Variants in VILL observed in about 807,000 individuals in gnomAD.
VILL encodes villin-like protein.
In VILL, 102 loss-of-function variants were observed where a neutral mutation model predicts 106.3. The ratio of observed to expected loss-of-function variants is 0.96; its 90% CI spans 0.82 to 1.13. The LOEUF (loss-of-function observed/expected upper bound fraction) is 1.13. Ranked by LOEUF, VILL falls within the 50% of genes most tolerant of loss-of-function variation. VILL has a pLI of 0.00. For synonymous variants in VILL, 431 were observed against 440.3 expected (o/e 0.98, Z 0.27); for missense variants, 1,076 against 1,116.6 (o/e 0.96, Z 0.52).
At chr3:38,001,359 C>T in intron 11 of VILL, 97 bp from the exon 12 acceptor site, 11 of 1,552,264 alleles carry the variant, frequency 7.1e-6, no homozygotes, top group Non-Finnish European at 9.6e-6. Flanking sequence ...ATGAGGAAGG[C>T]CTCAGAGGCT....
Position 38,007,149 on chromosome 3 carries a change from T to C in VILL, c.*94T>C, listed in dbSNP as rs569869838. The C allele has an allele frequency of 1.9e-6, 2 of 1,055,106 alleles. No individual in the cohort carries two copies. Among genetic ancestry groups the C allele is most frequent in the African/African-American group, 1.6e-5 (1 of 63,148 alleles). The allele number at this position is 1,055,106 out of a possible 1,614,324, so 65.4% of individuals were successfully genotyped here. On this transcript the variant is annotated 3_prime_UTR_variant, in exon 20 of 20. Transcript: ENST00000383759. The stretch of plus-strand genomic sequence containing the variant: ...TTCCACTCCCCTCAGAGGCTTTTGG[T>C]CATCCTCTGCGTGTCAGTAAAAGCA...
chr3:38,007,144 T>C lies in VILL; in HGVS notation c.*89T>C. 1 of 1,115,492 alleles carries C rather than the reference T, an allele frequency of 9.0e-7. No homozygotes were observed. Among genetic ancestry groups the C allele is most frequent in the Admixed American group, 1.9e-5 (1 of 51,432 alleles). The allele number at this position is 1,115,492 out of a possible 1,614,324, so 69.1% of individuals were successfully genotyped here. On this transcript the variant is annotated 3_prime_UTR_variant, in exon 20 of 20. Coordinates refer to ENST00000383759, the MANE Select transcript of VILL (RefSeq NM_015873.4). ...CCTGCTTCCACTCCCCTCAGAGGCT[T>C]TTGGTCATCCTCTGCGTGTCAGTAA...
Position 37,998,373 on chromosome 3 carries a change from T to G in VILL, c.942+9T>G. On this transcript the variant is annotated intron_variant, in intron 9 of 19. Coordinates refer to ENST00000383759, the MANE Select transcript of VILL (RefSeq NM_015873.4). This position sits in a 1 kb window ranked among gnomAD's most constrained non-coding sequence, Gnocchi z 4.1. ...CCTTCAGCCGGGCTGTGGTGAGCCC[T>G]GGGGCTCTGTCTGAGAGGAACAGAG... is the stretch of plus-strand genomic sequence containing the variant. 1.2e-6 allele frequency: 2 copies of G among 1,613,156 alleles called. No individual in the cohort carries two copies. The highest frequency in any genetic ancestry group is 1.7e-6 in the Non-Finnish European group (2 of 1,179,184).
chr3:38,001,532 A>G lies in VILL; in HGVS notation c.1259A>G (p.Tyr420Cys), dbSNP rs780278305. The change falls in exon 12 of 20, where the codon TAC becomes TGC. Residue 420 changes from tyrosine to cysteine, a missense_variant. Tyr to Cys is a radical substitution (Grantham distance 194, BLOSUM62 -2). Coordinates refer to ENST00000383759, the MANE Select transcript of VILL (RefSeq NM_015873.4). ...RHGQLCAGNC[Y>C]LVLYTYQRLG... ...GGACAGCTGTGTGCAGGCAACTGCT[A>G]CCTTGTGCTCTACACATACCAGAGG... The G allele has an allele frequency of 6.2e-7, 1 of 1,614,090 alleles. No homozygotes were observed. The highest frequency in any genetic ancestry group is 2.2e-5 in the East Asian group (1 of 44,868).
rs542230998 is a variant in VILL at position 38,005,803 on chromosome 3, G to A, written c.1962G>A (p.Trp654Ter). 3 of 1,610,760 alleles carry A rather than the reference G, an allele frequency of 1.9e-6. No individual in the cohort carries two copies. Among genetic ancestry groups the A allele is most frequent in the African/African-American group, 1.3e-5 (1 of 75,026 alleles). The change falls in exon 17 of 20, where the codon TGG (tryptophan) becomes TGA (stop). Residue 654 changes from tryptophan (W) to a stop codon, truncating the protein, a stop_gained. Coordinates refer to ENST00000383759, the MANE Select transcript of VILL (RefSeq NM_015873.4). LOFTEE classifies it high-confidence loss of function. Reference sequence around the variant, plus strand: ...CCTCTGTGGCTCAGATCTTCCTGTGGCTTGGGGAAGCTGCAAGTGAGTGGA... The same window carrying A: ...CCTCTGTGGCTCAGATCTTCCTGTGACTTGGGGAAGCTGCAAGTGAGTGGA... The part of the protein sequence containing the change: ...LLDTWQEIFL[W>*]LGEAASEWKE...
chr3:37,989,025 C>T (rs555731983), upstream of VILL, among the ~76,000 whole-genome samples: 6 of 152,212 alleles, frequency 3.9e-5, no homozygotes, highest in South Asian at 2.1e-4. Flanking sequence ...ATGGTCGTAG[C>T]GGCCAGGCAG....
chr3:37,999,556 G>C (rs1699776536), intron 11 of VILL, 117 bp downstream of exon 11: 2 of 663,182 alleles, frequency 3.0e-6, no homozygotes, highest in South Asian at 5.9e-5. Flanking sequence ...ACACAATCAG[G>C]GACACAAAGG....
intron 13 of VILL, 56 bp from the exon 14 acceptor site, chr3:38,002,340 G>T: frequency 6.6e-7 from 1 of 1,524,612 alleles, no homozygotes. Flanking sequence ...CCCACACTGG[G>T]ACAGGAAGGC....
intron 11 of VILL, among the ~76,000 whole-genome samples, chr3:38,000,119 T>C (rs1249160869): frequency 6.6e-6 from 1 of 152,256 alleles, no homozygotes; most frequent in Non-Finnish European, 1.5e-5. Context: ...TGGTCCCATC[T>C]GGCCCCAAGG....
Position 37,995,643 on chromosome 3 carries a change from C to A in VILL, c.342-96C>A. ...AGTGCATGTATGAAGCAGGCACATA[C>A]GTGCACGTGCTCACATCTGCAGTCA... On this transcript the variant is annotated intron_variant, in intron 4 of 19. Transcript: ENST00000383759. 7.1e-6 allele frequency: 7 copies of A among 980,060 alleles called. No individual in the cohort carries two copies. In the South Asian group the frequency reaches 8.2e-5, roughly 11 times the overall value. The allele number at this position is 980,060 out of a possible 1,614,324, so 60.7% of individuals were successfully genotyped here. A position where few individuals can be genotyped will look rare whatever the true frequency, so the allele number is the denominator to read the frequency against.
intron 4 of VILL, among the ~76,000 whole-genome samples, 182 bp from the exon 5 acceptor site, chr3:37,995,557 C>T (rs1313032618): frequency 3.9e-5 from 6 of 152,254 alleles, no homozygotes; most frequent in Non-Finnish European, 7.3e-5. Context: ...GAAATGAATG[C>T]ACACTCATGC....
intron 1 of VILL, chr3:37,991,059 AG>A (rs1344541948): frequency 6.6e-6 from 1 of 152,344 alleles, no homozygotes; most frequent in East Asian, 1.9e-4. Flanking sequence ...GTAGATGGGC[AG>A]GGAAGTCCGT....
rs189973242 is a variant in VILL, at chr3:37,995,524, C to T, written c.342-215C>T. 4.9e-4 allele frequency among the ~76,000 whole-genome samples: 75 copies of T among 152,352 alleles called. 1 individual carries two copies. The highest frequency in any genetic ancestry group is 6.8e-3 in the Middle Eastern group (2 of 294). ...ATATATGCATGTGTCCACATGACTA[C>T]GCATGGAAGTGCACTACACATGGAA... is the stretch of plus-strand genomic sequence containing the variant. On this transcript the variant is annotated intron_variant, in intron 4 of 19. Coordinates refer to ENST00000383759, the MANE Select transcript of VILL (RefSeq NM_015873.4).
At chr3:38,000,310 G>A (rs937473075) in intron 11 of VILL, among the ~76,000 whole-genome samples, 2 of 152,150 alleles carry the variant, frequency 1.3e-5, no homozygotes, top group African/African-American at 2.4e-5. Context: ...TGGGGCAAGG[G>A]GGAAGAAGGG....
intron 18 of VILL, 77 bp downstream of exon 18, chr3:38,006,329 C>T (rs1480808411): frequency 1.2e-6 from 2 of 1,608,484 alleles, no homozygotes; most frequent in Non-Finnish European, 1.7e-6. Context: ...AGGGGAAGTG[C>T]CAGGCCCTTG....
chr3:38,005,740 G>T (rs371270015), intron 16 of VILL, 52 bp from the exon 17 acceptor site: 13 of 1,560,166 alleles, frequency 8.3e-6, no homozygotes, highest in Admixed American at 3.6e-5. Flanking sequence ...GAAGGGGTCA[G>T]CTCTGGGCAG....
chr3:37,994,258 T>G lies in VILL; in HGVS notation c.136-3T>G. On this transcript the variant is annotated splice_polypyrimidine_tract_variant and splice_region_variant and intron_variant, in intron 3 of 19. Coordinates refer to ENST00000383759, the MANE Select transcript of VILL (RefSeq NM_015873.4). Reference sequence around the variant, plus strand: ...CACATATACACAAACACCCGGACCCTAGGTCCCCCAGAGCCCGAAGGCCAC... The same window carrying G: ...CACATATACACAAACACCCGGACCCGAGGTCCCCCAGAGCCCGAAGGCCAC... 3.1e-6 allele frequency: 5 copies of G among 1,604,812 alleles called. No individual in the cohort carries two copies. Among genetic ancestry groups the G allele is most frequent in the Non-Finnish European group, 4.2e-6 (5 of 1,177,960 alleles).
intron 17 of VILL, 34 bp from the exon 18 acceptor site, chr3:38,006,147 C>T: frequency 6.2e-7 from 1 of 1,614,068 alleles, no homozygotes; most frequent in Non-Finnish European, 8.5e-7. Context: ...TTCTCCTGCC[C>T]TGGCCCTGAT....
Position 37,998,424 on chromosome 3 carries a change from G to A in VILL, c.942+60G>A. 1.3e-6 allele frequency: 2 copies of A among 1,510,954 alleles called. No individual in the cohort carries two copies. Among genetic ancestry groups the A allele is most frequent in the South Asian group, 2.3e-5 (2 of 88,212 alleles). The allele number at this position is 1,510,954 out of a possible 1,614,324, so 93.6% of individuals were successfully genotyped here. A position where few individuals can be genotyped will look rare whatever the true frequency, so the allele number is the denominator to read the frequency against. On this transcript the variant is annotated intron_variant, in intron 9 of 19. Coordinates refer to ENST00000383759, the MANE Select transcript of VILL (RefSeq NM_015873.4). This position sits in a 1 kb window ranked among gnomAD's most constrained non-coding sequence, Gnocchi z 4.1. Reference sequence around the variant, plus strand: ...CACTGCCCTGGGGTCTGAGTGGGGAGGCAGCTCCGCCCCAGGGTCTAAGGG... The same window carrying A: ...CACTGCCCTGGGGTCTGAGTGGGGAAGCAGCTCCGCCCCAGGGTCTAAGGG...
Sources: allele counts gnomAD v4.1 joint callset (sites outside exome capture counted in the v4.1 genomes callset), GRCh38; gene constraint gnomAD v4.1.1; non-coding constraint Gnocchi (gnomAD v3.1); transcripts MANE v1.5; gene names NCBI Gene and HGNC (gene_info 2026-07-23, HGNC 2026-07-21).